Variants in PRKCH observed in about 807,000 individuals in gnomAD.
PRKCH encodes the protein protein kinase C eta type.
Under a neutral mutation model 82.5 loss-of-function variants are expected in PRKCH, and 28 were observed. That is an observed-to-expected ratio of 0.34 (90% CI 0.25 to 0.47). The LOEUF is 0.47. Ranked by LOEUF, PRKCH falls within the 20% of genes least tolerant of loss-of-function variation. The pLI is 1.00. For synonymous variants in PRKCH, 322 were observed against 327.4 expected (o/e 0.98, Z 0.18); for missense variants, 705 against 881.8 (o/e 0.80, Z 2.54).
intron 9 of PRKCH, among the ~76,000 whole-genome samples, chr14:61,479,813 G>T (rs1450885630): frequency 1.3e-5 from 2 of 152,268 alleles, no homozygotes; most frequent in South Asian, 4.1e-4. Flanking sequence ...AGCAAGTGAC[G>T]ACAGGAATTC....
intron 1 of PRKCH, chr14:61,279,700 G>T: frequency 5.3e-6 from 1 of 189,828 alleles, no homozygotes. Context: ...CTGGACTCAA[G>T]ATTCAGGAGT....
chr14:61,292,757 T>G (rs2045374701), intron 1 of PRKCH, among the ~76,000 whole-genome samples: 1 of 113,456 alleles, frequency 8.8e-6, no homozygotes, highest in African/African-American at 3.5e-5. Context: ...GGCAACAGAG[T>G]GAGACTCCAT....
At chr14:61,352,429 G>A (rs1035596772) in intron 1 of PRKCH, among the ~76,000 whole-genome samples, 1 of 152,072 alleles carries the variant, frequency 6.6e-6, no homozygotes, top group African/African-American at 2.4e-5. Context: ...TTGGGAGGCC[G>A]AGGCAGATGG....
chr14:61,533,294 T>TA (rs35130617), intron 12 of PRKCH, among the ~76,000 whole-genome samples: 76,531 of 143,624 alleles, frequency 0.53, 24,165 homozygotes, highest in Non-Finnish European at 0.7. Context: ...ATAAAATTAC[T>TA]AAAAAAAAAA....
At chr14:61,215,303 C>T (rs2044609027) in intron 1 of PRKCH, among the ~76,000 whole-genome samples, 1 of 152,118 alleles carries the variant, frequency 6.6e-6, no homozygotes, top group African/African-American at 2.4e-5. Flanking sequence ...TGACCAAAGG[C>T]CTTAGAGCAA....
At chr14:61,262,726 A>G (rs2045060611) in intron 1 of PRKCH, among the ~76,000 whole-genome samples, 1 of 151,950 alleles carries the variant, frequency 6.6e-6, no homozygotes, top group Non-Finnish European at 1.5e-5. Flanking sequence ...AAAGTGAAGG[A>G]TTTTTCTAAA....
At chr14:61,535,157 C>T (rs2043090350) in intron 12 of PRKCH, among the ~76,000 whole-genome samples, 1 of 151,954 alleles carries the variant, frequency 6.6e-6, no homozygotes. Context: ...ATATAATAGG[C>T]TTATATCAAT....
intron 12 of PRKCH, among the ~76,000 whole-genome samples, chr14:61,535,216 G>T (rs116463512): frequency 6.6e-6 from 1 of 152,144 alleles, no homozygotes; most frequent in Non-Finnish European, 1.5e-5. Context: ...GGTTCTGTGC[G>T]AGGTGCCAGG....
At chr14:61,492,653 T>G (rs1409182764) in intron 10 of PRKCH, among the ~76,000 whole-genome samples, 2 of 152,230 alleles carry the variant, frequency 1.3e-5, no homozygotes. Flanking sequence ...GATCAGAACA[T>G]ATTTCCTGAG....
Position 61,550,106 on chromosome 14 carries a change from A to T in PRKCH, c.*275A>T, listed in dbSNP as rs1299799668. On this transcript the variant is annotated 3_prime_UTR_variant, in exon 14 of 14. Coordinates refer to ENST00000332981, the MANE Select transcript of PRKCH (RefSeq NM_006255.5). Reference sequence around the variant, plus strand: ...TCTGTCTCTGTGGGCTTGGGATGTTAACAGGAGCCAAAAGGAGGGAAAGTG... The same window carrying T: ...TCTGTCTCTGTGGGCTTGGGATGTTTACAGGAGCCAAAAGGAGGGAAAGTG... 3 of 309,196 alleles carry T rather than the reference A, an allele frequency of 9.7e-6. No individual in the cohort carries two copies. Among genetic ancestry groups the T allele is most frequent in the Non-Finnish European group, 1.8e-5 (3 of 167,500 alleles). The allele number at this position is 309,196 out of a possible 1,614,324, so 19.2% of individuals were successfully genotyped here. A position where few individuals can be genotyped will look rare whatever the true frequency, so the allele number is the denominator to read the frequency against.
At chr14:61,454,649 A>T (rs1884676418) in intron 7 of PRKCH, among the ~76,000 whole-genome samples, 1 of 152,184 alleles carries the variant, frequency 6.6e-6, no homozygotes, top group African/African-American at 2.4e-5. Context: ...ATTCAGCAGG[A>T]GACAGGAGTC....
At position 61,536,666 on chromosome 14, in the gene PRKCH, A is replaced by G. The variant is rs555168821; in HGVS notation, c.1761+6071A>G. On this transcript the variant is annotated intron_variant, in intron 12 of 13. Coordinates refer to ENST00000332981, the MANE Select transcript of PRKCH (RefSeq NM_006255.5). ...TTTATGTTACATGCCATAGAGTTAC[A>G]GATGTTAAAGACCTCAGGGCTTCAT... Among the ~76,000 whole-genome samples the G allele has an allele frequency of 8.5e-5, 13 of 152,314 alleles. No homozygotes were observed. In the South Asian group the frequency reaches 2.3e-3, roughly 27 times the overall value.
chr14:61,294,607 G>A (rs1169577602), intron 1 of PRKCH, among the ~76,000 whole-genome samples: 4 of 151,926 alleles, frequency 2.6e-5, no homozygotes, highest in Non-Finnish European at 4.4e-5. Context: ...TAGATTTATT[G>A]ATGGAATATA....
At chr14:61,491,167 A>G (rs1886435933) in intron 10 of PRKCH, among the ~76,000 whole-genome samples, 1 of 152,156 alleles carries the variant, frequency 6.6e-6, no homozygotes, top group Non-Finnish European at 1.5e-5. Context: ...CCTCACCTCT[A>G]TTGGAATTCA....
At chr14:61,190,853 C>T (rs2044403117) in intron 1 of PRKCH, among the ~76,000 whole-genome samples, 1 of 152,160 alleles carries the variant, frequency 6.6e-6, no homozygotes, top group African/African-American at 2.4e-5. Context: ...CACACCCCAC[C>T]CCCAGTTACT....
chr14:61,326,417 T>TA (rs2140121698), intron 1 of PRKCH, among the ~76,000 whole-genome samples: 1 of 152,218 alleles, frequency 6.6e-6, no homozygotes, highest in African/African-American at 2.4e-5. Flanking sequence ...AGTGGGTGCC[T>TA]AAAAATGGAG....
At chr14:61,390,100 G>C (rs1390425449) in intron 1 of PRKCH, among the ~76,000 whole-genome samples, 3 of 152,152 alleles carry the variant, frequency 2.0e-5, no homozygotes, top group African/African-American at 7.2e-5. Context: ...GAGTCCACAA[G>C]AGCCTCACAA....
intron 2 of PRKCH, among the ~76,000 whole-genome samples, chr14:61,430,808 G>A (rs12589412): frequency 6.6e-6 from 1 of 151,100 alleles, no homozygotes; most frequent in Non-Finnish European, 1.5e-5. Context: ...AGGCTAGAAT[G>A]CGGTGTCGTG....
At chr14:61,206,093 G>A (rs892999688) in intron 1 of PRKCH, among the ~76,000 whole-genome samples, 1 of 152,224 alleles carries the variant, frequency 6.6e-6, no homozygotes, top group East Asian at 1.9e-4. Flanking sequence ...AAGATAGGAA[G>A]GTCAAGTTCA....
Sources: gnomAD v4.1 joint callset for allele counts (sites outside exome capture counted in the v4.1 genomes callset) on GRCh38, gnomAD v4.1.1 for gene constraint, MANE v1.5 for transcripts, NCBI Gene and HGNC (gene_info 2026-07-23, HGNC 2026-07-21) for gene names.